Variants in ABCB1 observed in about 807,000 individuals in gnomAD.
The protein encoded by ABCB1 is ATP-dependent translocase ABCB1.
In ABCB1, 69 loss-of-function variants were observed where a neutral mutation model predicts 142.0. That is an observed-to-expected ratio of 0.49 (90% CI 0.40 to 0.59). The LOEUF (loss-of-function observed/expected upper bound fraction) is 0.59, where lower values mean the gene tolerates loss of function less well. Among genes scored for constraint, ABCB1 ranks in the 20% least tolerant of loss-of-function variants. ABCB1 has a pLI of 0.00. For missense variants in ABCB1, 1,326 were observed against 1,554.7 expected, an observed-to-expected ratio of 0.85 and a Z score of 2.47; for synonymous variants, 532 against 539.2, an observed-to-expected ratio of 0.99 and a Z score of 0.18.
intron 24 of ABCB1, 32 bp from the exon 25 acceptor site, chr7:87,515,460 T>A: frequency 1.9e-6 from 3 of 1,598,102 alleles, no homozygotes; most frequent in Non-Finnish European, 2.6e-6. Flanking sequence ...TAAATTTGAA[T>A]GCTGCAATAC....
intron 1 of ABCB1, among the ~76,000 whole-genome samples, chr7:87,688,355 C>A (rs2130630356): frequency 6.6e-6 from 1 of 151,870 alleles, no homozygotes; most frequent in Admixed American, 6.6e-5. Flanking sequence ...AAACAGAGAG[C>A]TACACATTTT....
At chr7:87,553,403 C>T (rs1817167949) in intron 9 of ABCB1, among the ~76,000 whole-genome samples, 1 of 148,192 alleles carries the variant, frequency 6.7e-6, no homozygotes, top group Non-Finnish European at 1.5e-5. Context: ...TCACTGCAAG[C>T]TCCGCCTCCC....
At chr7:87,689,327 T>G (rs1042953459) in intron 1 of ABCB1, among the ~76,000 whole-genome samples, 2 of 152,080 alleles carry the variant, frequency 1.3e-5, no homozygotes, top group Non-Finnish European at 2.9e-5. Flanking sequence ...TGAGTTTCTG[T>G]CAGAAAATTA....
intron 25 of ABCB1, among the ~76,000 whole-genome samples, chr7:87,510,436 G>T (rs1351191114): frequency 2.0e-5 from 3 of 152,204 alleles, no homozygotes; most frequent in African/African-American, 7.2e-5. Flanking sequence ...GCAGAAGACT[G>T]GGGAGGGCAC....
intron 1 of ABCB1, among the ~76,000 whole-genome samples, chr7:87,649,348 A>G (rs1251062232): frequency 6.6e-6 from 1 of 152,228 alleles, no homozygotes; most frequent in African/African-American, 2.4e-5. Context: ...CGTTCAAAGC[A>G]TTGTCCTAGG....
intron 1 of ABCB1, among the ~76,000 whole-genome samples, chr7:87,654,003 A>C (rs904506338): frequency 6.6e-6 from 1 of 152,046 alleles, no homozygotes. Context: ...TATTTCTCTA[A>C]GTTAGTTTGC....
At chr7:87,542,466 C>A (rs1816584395) in intron 17 of ABCB1, among the ~76,000 whole-genome samples, 1 of 152,130 alleles carries the variant, frequency 6.6e-6, no homozygotes, top group Admixed American at 6.5e-5. Context: ...GATATAAATC[C>A]AGGCAATCCG....
At chr7:87,554,762 C>T (rs1003014833) in intron 8 of ABCB1, among the ~76,000 whole-genome samples, 4 of 152,200 alleles carry the variant, frequency 2.6e-5, no homozygotes, top group African/African-American at 9.7e-5. Flanking sequence ...CGGCTTCTGA[C>T]TAACTCAAGG....
chr7:87,619,366 C>T (rs1820139649), intron 1 of ABCB1, among the ~76,000 whole-genome samples: 1 of 151,912 alleles, frequency 6.6e-6, no homozygotes, highest in African/African-American at 2.4e-5. Flanking sequence ...TGCCGAAACC[C>T]CGTCTCTACA....
intron 9 of ABCB1, among the ~76,000 whole-genome samples, chr7:87,552,342 T>G (rs1817109208): frequency 6.6e-6 from 1 of 152,202 alleles, no homozygotes; most frequent in African/African-American, 2.4e-5. Flanking sequence ...ATTCATTATC[T>G]CAGTTAGTCC....
Position 87,611,439 on chromosome 7 carries a change from G to C in ABCB1, c.-330-10361C>G, listed in dbSNP as rs145830193. On this transcript the variant is annotated intron_variant, in intron 1 of 28. Coordinates refer to the ABCB1 transcript ENST00000265724. Reference sequence around the variant, plus strand: ...ATCTTTATGTCTATGAAGACCCAGGGTTTAGCTCCAACTTACAAATAAGAA... The same window carrying C: ...ATCTTTATGTCTATGAAGACCCAGGCTTTAGCTCCAACTTACAAATAAGAA... 2.9e-3 allele frequency among the ~76,000 whole-genome samples: 437 copies of C among 152,108 alleles called. 4 individuals are homozygous for C. The highest frequency in any genetic ancestry group is 1.0e-2 in the African/African-American group (414 of 41,478).
chr7:87,617,299 T>A (rs1820062532), intron 1 of ABCB1, among the ~76,000 whole-genome samples: 1 of 152,216 alleles, frequency 6.6e-6, no homozygotes, highest in African/African-American at 2.4e-5. Flanking sequence ...CAATGTACTT[T>A]TCTTTTTGAT....
At chr7:87,580,211 T>C (rs1818452335) in intron 4 of ABCB1, among the ~76,000 whole-genome samples, 1 of 152,234 alleles carries the variant, frequency 6.6e-6, no homozygotes, top group Non-Finnish European at 1.5e-5. Flanking sequence ...GAACTCCCTT[T>C]AGCATTTCTT....
chr7:87,561,222 A>G (rs371153976), intron 8 of ABCB1, 41 bp downstream of exon 8: 1 of 1,609,854 alleles, frequency 6.2e-7, no homozygotes, highest in South Asian at 1.1e-5. Context: ...TTGAGAAGAC[A>G]GAATTTAACA....
intron 1 of ABCB1, among the ~76,000 whole-genome samples, chr7:87,661,244 AT>A (rs969845595): frequency 1.3e-5 from 2 of 151,842 alleles, no homozygotes; most frequent in Non-Finnish European, 2.9e-5. Flanking sequence ...TCAAGCATTC[AT>A]TTTTTTGCAT....
rs28401795 is a variant in ABCB1, at chr7:87,516,493, G to A, written c.3084+16C>T. On this transcript the variant is annotated intron_variant, in intron 24 of 27. Coordinates refer to ENST00000622132, the MANE Select transcript of ABCB1 (RefSeq NM_001348946.2). Reference sequence around the variant, plus strand: ...GGAGTCAGGAGTAGATCAAACAGTTGAAACATCAAACTCACCGGCATTAGG... The same window carrying A: ...GGAGTCAGGAGTAGATCAAACAGTTAAAACATCAAACTCACCGGCATTAGG... 5.5e-4 allele frequency: 888 copies of A among 1,614,064 alleles called. 14 individuals carry two copies. The East Asian group carries it at 0.019, about 34-fold the overall frequency.
intron 4 of ABCB1, among the ~76,000 whole-genome samples, chr7:87,577,219 C>G (rs969086350): frequency 1.8e-4 from 28 of 152,074 alleles, no homozygotes; most frequent in African/African-American, 6.8e-4. Flanking sequence ...TCCTCCAGTT[C>G]CATTTTTGTT....
intron 1 of ABCB1, among the ~76,000 whole-genome samples, chr7:87,708,260 A>C (rs1183860355): frequency 6.6e-6 from 1 of 152,182 alleles, no homozygotes; most frequent in African/African-American, 2.4e-5. Flanking sequence ...CTATTCAAGA[A>C]GATCAAAAGA....
At chr7:87,566,663 A>C in intron 6 of ABCB1, 122 bp downstream of exon 6, 1 of 1,012,544 alleles carries the variant, frequency 9.9e-7, no homozygotes, top group Non-Finnish European at 1.5e-6. Context: ...CTTAGAAGGA[A>C]TTTTGTCTCA....
Sources: allele counts gnomAD v4.1 joint callset (sites outside exome capture counted in the v4.1 genomes callset), GRCh38; gene constraint gnomAD v4.1.1; transcripts MANE v1.5; gene names NCBI Gene and HGNC (gene_info 2026-07-23, HGNC 2026-07-21).